SYT9: variants seen among roughly 807,000 people sequenced by gnomAD.
SYT9 encodes the protein synaptotagmin-9.
A neutral mutation model predicts 48.4 loss-of-function variants in SYT9; 22 were observed. That is an observed-to-expected ratio of 0.45 (90% CI 0.32 to 0.65). The LOEUF is 0.65. Among genes scored for constraint, SYT9 ranks in the 30% least tolerant of loss-of-function variants. The probability of loss-of-function intolerance (pLI) is 0.03; values close to 1 mark genes in which losing one functional copy is unlikely to be tolerated. For missense variants in SYT9, 577 were observed against 622.0 expected (o/e 0.93, Z 0.77); for synonymous variants, 265 against 245.0 (o/e 1.08, Z -0.76).
At chr11:7,258,952 C>G (rs2032847072) in intron 1 of SYT9, among the ~76,000 whole-genome samples, 1 of 152,054 alleles carries the variant, frequency 6.6e-6, no homozygotes, top group African/African-American at 2.4e-5. Flanking sequence ...TCCTCATTTT[C>G]TCATCAGTAA....
intron 6 of SYT9, among the ~76,000 whole-genome samples, chr11:7,455,809 A>G (rs1848141493): frequency 6.6e-6 from 1 of 152,210 alleles, no homozygotes; most frequent in Admixed American, 6.5e-5. Flanking sequence ...TAGGCTATGC[A>G]TTCTACAGCT....
intron 6 of SYT9, among the ~76,000 whole-genome samples, chr11:7,432,716 A>AGTGGGAAT: frequency 6.8e-6 from 1 of 146,680 alleles, no homozygotes. Context: ...TCCCTTTTGG[A>AGTGGGAAT]GTGGGAATGT....
rs1850720591 is a variant in SYT9 at position 7,389,404 on chromosome 11, AT to A, written c.1045-26637del. Among the ~76,000 whole-genome samples, 8 of 152,322 alleles carry A rather than the reference AT, an allele frequency of 5.3e-5. No individual in the cohort carries two copies. The South Asian group carries it at 1.7e-3, about 32-fold the overall frequency. On this transcript the variant is annotated intron_variant, in intron 3 of 6. Coordinates refer to ENST00000318881, the MANE Select transcript of SYT9 (RefSeq NM_175733.4). ...ATAAATATACAAGTAGTATTAAAGAATAATTCACGAGGACTTCCAGTTAAAT... is the reference window on the plus strand; with the variant it reads ...ATAAATATACAAGTAGTATTAAAGAAAATTCACGAGGACTTCCAGTTAAAT...
At chr11:7,310,009 T>G (rs1448820474) in intron 2 of SYT9, among the ~76,000 whole-genome samples, 1 of 152,250 alleles carries the variant, frequency 6.6e-6, no homozygotes, top group African/African-American at 2.4e-5. Flanking sequence ...TCAACTGATT[T>G]CCCAAGAGTA....
chr11:7,292,421 G>T (rs1358994621), intron 1 of SYT9, among the ~76,000 whole-genome samples: 2 of 152,216 alleles, frequency 1.3e-5, no homozygotes, highest in Non-Finnish European at 2.9e-5. Flanking sequence ...AGGCTAGGAG[G>T]AATCTCTTCC....
chr11:7,254,319 G>C (rs2119771237), intron 1 of SYT9, among the ~76,000 whole-genome samples: 1 of 152,246 alleles, frequency 6.6e-6, no homozygotes, highest in African/African-American at 2.4e-5. Flanking sequence ...TGAGGACAGG[G>C]GTGGGGGTTT....
At chr11:7,448,908 TG>T (rs1423814123) in intron 6 of SYT9, among the ~76,000 whole-genome samples, 3 of 152,020 alleles carry the variant, frequency 2.0e-5, no homozygotes, top group African/African-American at 7.2e-5. Flanking sequence ...ATTCAGGGCT[TG>T]AGGTGGAAAG....
At chr11:7,323,126 A>G (rs1042271563) in intron 3 of SYT9, among the ~76,000 whole-genome samples, 4 of 151,964 alleles carry the variant, frequency 2.6e-5, no homozygotes, top group African/African-American at 9.7e-5. Context: ...GTTTTTTTCT[A>G]TTTCAGAAAA....
intron 1 of SYT9, among the ~76,000 whole-genome samples, chr11:7,281,069 C>A (rs1386309992): frequency 1.3e-5 from 2 of 152,210 alleles, no homozygotes; most frequent in African/African-American, 4.8e-5. Flanking sequence ...TAATTCACTA[C>A]TGAATGGGCA....
At chr11:7,452,901 G>A (rs1202547071) in intron 6 of SYT9, among the ~76,000 whole-genome samples, 1 of 152,056 alleles carries the variant, frequency 6.6e-6, no homozygotes, top group Non-Finnish European at 1.5e-5. Context: ...TCCTGCCTCA[G>A]CCTCCCGAGT....
At chr11:7,296,040 G>A (rs1344251918) in intron 1 of SYT9, among the ~76,000 whole-genome samples, 1 of 152,074 alleles carries the variant, frequency 6.6e-6, no homozygotes, top group Non-Finnish European at 1.5e-5. Context: ...TAGTAACCAA[G>A]GTGATTATTT....
At position 7,263,089 on chromosome 11, in the gene SYT9, G is replaced by A. The variant is rs141851796; in HGVS notation, c.145+10758G>A. Among the ~76,000 whole-genome samples the A allele has an allele frequency of 2.6e-5, 4 of 152,244 alleles. No homozygotes were observed. The East Asian group carries it at 5.8e-4, about 22-fold the overall frequency. On this transcript the variant is annotated intron_variant, in intron 1 of 6. Transcript: ENST00000318881. Reference sequence around the variant, plus strand: ...CCCGAAAGTTCAGTGTAGGCATTTAGGCACCAAAGGCACATAGATGATATT... The same window carrying A: ...CCCGAAAGTTCAGTGTAGGCATTTAAGCACCAAAGGCACATAGATGATATT...
At chr11:7,429,727 C>T (rs1388162460) in intron 6 of SYT9, among the ~76,000 whole-genome samples, 1 of 152,098 alleles carries the variant, frequency 6.6e-6, no homozygotes, top group Non-Finnish European at 1.5e-5. Flanking sequence ...ATGTCCAATA[C>T]CTAACAAAGT....
chr11:7,423,992 C>G (rs1037749931), intron 6 of SYT9, among the ~76,000 whole-genome samples: 1 of 152,042 alleles, frequency 6.6e-6, no homozygotes, highest in Non-Finnish European at 1.5e-5. Flanking sequence ...GTATGGAAGA[C>G]AGAGAGAGAG....
intron 3 of SYT9, among the ~76,000 whole-genome samples, chr11:7,369,967 C>T (rs984633215): frequency 2.6e-5 from 4 of 152,014 alleles, no homozygotes; most frequent in Admixed American, 6.6e-5. Context: ...AGTTGTTTAA[C>T]GGTGATTTGT....
intron 1 of SYT9, among the ~76,000 whole-genome samples, chr11:7,266,418 A>G (rs779037584): frequency 8.6e-5 from 13 of 151,986 alleles, no homozygotes; most frequent in Non-Finnish European, 1.6e-4. Flanking sequence ...TTTCTTCCAG[A>G]TGCCTTTGGT....
intron 3 of SYT9, among the ~76,000 whole-genome samples, chr11:7,383,286 T>C (rs1221420980): frequency 1.3e-5 from 2 of 152,162 alleles, no homozygotes; most frequent in Admixed American, 6.5e-5. Flanking sequence ...TGGTTTTTGC[T>C]TTAGAAAGAG....
intron 6 of SYT9, chr11:7,457,523 T>G (rs1848169606): frequency 6.6e-6 from 1 of 152,244 alleles, no homozygotes; most frequent in South Asian, 2.1e-4. Flanking sequence ...TTTCAATTTC[T>G]TCTATCTTAC....
chr11:7,434,161 G>A (rs1435226014), intron 6 of SYT9, among the ~76,000 whole-genome samples: 1 of 152,208 alleles, frequency 6.6e-6, no homozygotes, highest in East Asian at 1.9e-4. Context: ...AATCTGTAAA[G>A]ACAGTGAAGG....
Sources: allele counts gnomAD v4.1 joint callset (sites outside exome capture counted in the v4.1 genomes callset), GRCh38; gene constraint gnomAD v4.1.1; transcripts MANE v1.5; gene names NCBI Gene and HGNC (gene_info 2026-07-23, HGNC 2026-07-21).